Variants in TRPM1 observed in about 807,000 individuals in gnomAD.
TRPM1 encodes TRPM1-203 APA Isoform, Intron 10.
In TRPM1, 113 loss-of-function variants were observed where a neutral mutation model predicts 149.4. That is an observed-to-expected ratio of 0.76 (90% CI 0.65 to 0.88). The LOEUF (loss-of-function observed/expected upper bound fraction) is 0.88. TRPM1 is among the 40% of genes least tolerant of loss of function. The probability of loss-of-function intolerance (pLI) is 0.00; values close to 1 mark genes in which losing one functional copy is unlikely to be tolerated. For missense variants in TRPM1, 1,976 were observed against 2,038.7 expected (o/e 0.97, Z 0.59); for synonymous variants, 741 against 759.5 (o/e 0.98, Z 0.40).
intron 16 of TRPM1, among the ~76,000 whole-genome samples, chr15:31,044,435 G>A (rs1438767450): frequency 6.6e-6 from 1 of 152,114 alleles, no homozygotes; most frequent in East Asian, 1.9e-4. Flanking sequence ...AAAATATGTA[G>A]GAAAGAAAGT....
At chr15:31,036,787 C>T (rs769824729) in intron 20 of TRPM1, among the ~76,000 whole-genome samples, 8 of 152,230 alleles carry the variant, frequency 5.3e-5, no homozygotes, top group Admixed American at 3.3e-4. Context: ...ACTGTATCAT[C>T]AATCTTGGCT....
At chr15:31,142,632 A>G (rs1380397787) in intron 1 of TRPM1, among the ~76,000 whole-genome samples, 3 of 152,192 alleles carry the variant, frequency 2.0e-5, no homozygotes, top group African/African-American at 7.2e-5. Flanking sequence ...CTATTATTTC[A>G]CAGTGACTTG....
rs777942130 is a variant in TRPM1, at chr15:31,042,206, T to C, written c.1832A>G (p.Lys611Arg). ...GTCGATCTCTTCCTCCTTTTTCTTCTTTTTCTTTTTCTTCCCTTTAGCTGG... is the reference window on the plus strand; with the variant it reads ...GTCGATCTCTTCCTCCTTTTTCTTCCTTTTCTTTTTCTTCCCTTTAGCTGG... ...EPPAKGKKKK[K>R]KKKEEEIDID... is the part of the protein sequence containing the mutation. The change falls in exon 17 of 28, where the codon AAG becomes AGG. Residue 611 changes from lysine to arginine, a missense_variant. Transcript: ENST00000256552. 6.2e-7 allele frequency: 1 copy of C among 1,603,470 alleles called. No homozygotes were observed. The highest frequency in any genetic ancestry group is 8.5e-7 in the Non-Finnish European group (1 of 1,174,838).
At chr15:31,032,310 T>C (rs1227742370) in intron 22 of TRPM1, among the ~76,000 whole-genome samples, 1 of 151,996 alleles carries the variant, frequency 6.6e-6, no homozygotes, top group East Asian at 1.9e-4. Context: ...CAAACGTAAT[T>C]AGTCACCCTA....
At chr15:31,147,978 G>T (rs1255946390) in intron 1 of TRPM1, among the ~76,000 whole-genome samples, 1 of 151,960 alleles carries the variant, frequency 6.6e-6, no homozygotes, top group Non-Finnish European at 1.5e-5. Flanking sequence ...GGCATTGCTG[G>T]GACCAATTAA....
rs764816501 is a variant in TRPM1 at position 31,049,390 on chromosome 15, C to CT, written c.1556dup (p.Glu520GlyfsTer4). 1 of 1,614,208 alleles carries CT rather than the reference C, an allele frequency of 6.2e-7. No homozygotes were observed. Among genetic ancestry groups the CT allele is most frequent in the Non-Finnish European group, 8.5e-7 (1 of 1,180,034 alleles). ...GAGCACTCACTGTGTTATAAAGCTC[C>CT]TCCAGCCTCGGAATGGTCAGAAAGT... On this transcript the variant is annotated frameshift_variant, in exon 13 of 28. Transcript: ENST00000256552. LOFTEE classifies it high-confidence loss of function.
At chr15:31,152,064 G>A (rs1222852860) in intron 1 of TRPM1, among the ~76,000 whole-genome samples, 1 of 152,162 alleles carries the variant, frequency 6.6e-6, no homozygotes, top group Non-Finnish European at 1.5e-5. Context: ...CTGTCACATG[G>A]CTGAATGGAG....
At chr15:31,140,133 G>A (rs2036140411) in intron 1 of TRPM1, among the ~76,000 whole-genome samples, 3 of 151,676 alleles carry the variant, frequency 2.0e-5, no homozygotes, top group African/African-American at 4.8e-5. Flanking sequence ...CTGGGAGGCC[G>A]TGGTGGGTGG....
At chr15:31,095,759 A>C (rs1362010872) in intron 1 of TRPM1, among the ~76,000 whole-genome samples, 1 of 148,748 alleles carries the variant, frequency 6.7e-6, no homozygotes, top group Non-Finnish European at 1.5e-5. Context: ...AAGAAAAGCC[A>C]GGGGCCAGGC....
At chr15:31,131,829 C>T (rs1467350106) in intron 1 of TRPM1, among the ~76,000 whole-genome samples, 3 of 151,924 alleles carry the variant, frequency 2.0e-5, no homozygotes, top group African/African-American at 7.3e-5. Flanking sequence ...CGCCCCCACC[C>T]CCCTGCTGCC....
At chr15:31,158,917 G>A (rs1596108999) in intron 1 of TRPM1, among the ~76,000 whole-genome samples, 1 of 152,178 alleles carries the variant, frequency 6.6e-6, no homozygotes, top group Admixed American at 6.5e-5. Flanking sequence ...GGTCTGTTTA[G>A]TAAACATTAT....
chr15:31,093,594 G>C (rs2035299056), intron 1 of TRPM1, among the ~76,000 whole-genome samples: 1 of 145,220 alleles, frequency 6.9e-6, no homozygotes, highest in South Asian at 2.1e-4. Flanking sequence ...AGAGCAATCT[G>C]GTTTTTTTTT....
intron 1 of TRPM1, among the ~76,000 whole-genome samples, chr15:31,131,325 A>G (rs2036013416): frequency 6.6e-6 from 1 of 152,234 alleles, no homozygotes; most frequent in South Asian, 2.1e-4. Flanking sequence ...AGACGAGCGC[A>G]GTGCTTCCTT....
chr15:31,039,340 T>C (rs1393504767), intron 18 of TRPM1, among the ~76,000 whole-genome samples: 4 of 152,230 alleles, frequency 2.6e-5, no homozygotes, highest in African/African-American at 9.6e-5. Context: ...TCCTAAGTTA[T>C]GTATAACATC....
At chr15:31,150,956 G>C (rs1219971996) in intron 1 of TRPM1, among the ~76,000 whole-genome samples, 2 of 152,154 alleles carry the variant, frequency 1.3e-5, no homozygotes, top group Non-Finnish European at 1.5e-5. Flanking sequence ...TGCGCATTAG[G>C]AGGACAGGGT....
chr15:31,083,474 C>T (rs1478348031), intron 1 of TRPM1, among the ~76,000 whole-genome samples: 1 of 152,208 alleles, frequency 6.6e-6, no homozygotes, highest in Non-Finnish European at 1.5e-5. Flanking sequence ...TGTGCCCTGA[C>T]AGCTCCCTGG....
At chr15:31,064,490 T>C (rs1258972088) in intron 7 of TRPM1, among the ~76,000 whole-genome samples, 1 of 152,028 alleles carries the variant, frequency 6.6e-6, no homozygotes, top group Non-Finnish European at 1.5e-5. Flanking sequence ...GAAATGGGAG[T>C]GGAGGCACAT....
intron 27 of TRPM1, among the ~76,000 whole-genome samples, chr15:31,017,029 T>A (rs1000896545): frequency 6.0e-5 from 9 of 150,740 alleles, no homozygotes; most frequent in African/African-American, 2.2e-4. Context: ...AGTCGGCCGG[T>A]TGTGGTGGTT....
rs2034899679 is a variant in TRPM1 at position 31,082,879 on chromosome 15, A to G, written c.-83-1441T>C. 5.9e-5 allele frequency among the ~76,000 whole-genome samples: 9 copies of G among 152,242 alleles called. No homozygotes were observed. The South Asian group carries it at 1.9e-3, about 32-fold the overall frequency. ...AACCCCGAGGAGAAGTCTTCCCCTG[A>G]AGGGGAGCCCAGAAATGGTGGGAGC... On this transcript the variant is annotated intron_variant, in intron 1 of 27. Coordinates refer to ENST00000256552, the MANE Select transcript of TRPM1 (RefSeq NM_001252024.2).
Sources: gnomAD v4.1 joint callset for allele counts (sites outside exome capture counted in the v4.1 genomes callset) on GRCh38, gnomAD v4.1.1 for gene constraint, MANE v1.5 for transcripts, NCBI Gene and HGNC (gene_info 2026-07-23, HGNC 2026-07-21) for gene names.